The following CCDC192 variants were observed in gnomAD, a reference collection of about 807,000 sequenced individuals.
The protein encoded by CCDC192 is coiled-coil domain-containing protein 192.
At chr5:127,889,587 A>G (rs1752671223) in intron 6 of CCDC192, among the ~76,000 whole-genome samples, 1 of 152,116 alleles carries the variant, frequency 6.6e-6, no homozygotes, top group Non-Finnish European at 1.5e-5. Flanking sequence ...TTTTCAGTAG[A>G]GATGAGGTTT....
At chr5:127,896,496 C>A (rs753204787) in intron 6 of CCDC192, among the ~76,000 whole-genome samples, 1 of 151,514 alleles carries the variant, frequency 6.6e-6, no homozygotes, top group South Asian at 2.1e-4. Flanking sequence ...TGCAACACTG[C>A]GAACTCGGCT....
chr5:127,823,474 A>C (rs879773893), intron 5 of CCDC192, among the ~76,000 whole-genome samples: 12 of 152,172 alleles, frequency 7.9e-5, no homozygotes, highest in African/African-American at 2.9e-4. Flanking sequence ...CACTGATTTT[A>C]CTTATTCAAT....
At chr5:127,864,611 G>T (rs1751520501) in intron 5 of CCDC192, among the ~76,000 whole-genome samples, 1 of 152,174 alleles carries the variant, frequency 6.6e-6, no homozygotes, top group South Asian at 2.1e-4. Flanking sequence ...TTGTTTTAGA[G>T]CAAGGACATT....
At chr5:127,708,860 G>T (rs772690326) in intron 2 of CCDC192, among the ~76,000 whole-genome samples, 38 of 152,066 alleles carry the variant, frequency 2.5e-4, no homozygotes, top group Non-Finnish European at 4.1e-4. Context: ...GGATTCAGAA[G>T]TTCTGGCCTA....
intron 2 of CCDC192, among the ~76,000 whole-genome samples, chr5:127,733,900 C>A (rs1220293922): frequency 6.7e-6 from 1 of 149,798 alleles, no homozygotes. Flanking sequence ...AATTTGTCAG[C>A]CATGCCTTCA....
intron 3 of CCDC192, among the ~76,000 whole-genome samples, chr5:127,788,804 A>C (rs1046298448): frequency 3.9e-5 from 6 of 152,004 alleles, no homozygotes; most frequent in Non-Finnish European, 5.9e-5. Flanking sequence ...CTGTATTGCT[A>C]TGGACTGAAT....
intron 2 of CCDC192, among the ~76,000 whole-genome samples, chr5:127,731,736 T>C (rs1479857623): frequency 6.6e-6 from 1 of 152,110 alleles, no homozygotes; most frequent in African/African-American, 2.4e-5. Context: ...TTGACAAACC[T>C]GACAAAAATA....
At chr5:127,827,463 A>AT (rs1448382669) in intron 5 of CCDC192, among the ~76,000 whole-genome samples, 1 of 152,140 alleles carries the variant, frequency 6.6e-6, no homozygotes, top group Non-Finnish European at 1.5e-5. Context: ...AAATTAGCTT[A>AT]TTTTTATTAT....
At chr5:127,880,670 G>A (rs1314184500) in intron 6 of CCDC192, among the ~76,000 whole-genome samples, 1 of 151,836 alleles carries the variant, frequency 6.6e-6, no homozygotes, top group Non-Finnish European at 1.5e-5. Context: ...TACACCTTCA[G>A]CTGGTGGTCA....
chr5:127,717,928 C>CAAAAAAAAAAAAAAAAAGAAAAAAAA (rs1751729357), intron 2 of CCDC192, among the ~76,000 whole-genome samples: 1 of 98,074 alleles, frequency 1.0e-5, no homozygotes, highest in African/African-American at 3.9e-5. Flanking sequence ...TAAAGCTAGA[C>CAAAAAAAAAAAAAAAAAGAAAAAAAA]AAAAAAAAAA....
chr5:127,823,341 C>A (rs755888368), intron 5 of CCDC192, among the ~76,000 whole-genome samples: 2 of 152,166 alleles, frequency 1.3e-5, no homozygotes, highest in Non-Finnish European at 2.9e-5. Flanking sequence ...GAGAGAATCC[C>A]TCTGCTTTTG....
chr5:127,763,422 A>G (rs1218428067), intron 3 of CCDC192, among the ~76,000 whole-genome samples: 1 of 151,900 alleles, frequency 6.6e-6, no homozygotes, highest in African/African-American at 2.4e-5. Context: ...CTCTATCTCC[A>G]CTATCACCAT....
intron 5 of CCDC192, among the ~76,000 whole-genome samples, chr5:127,871,781 C>T (rs1017617183): frequency 9.9e-5 from 15 of 152,150 alleles, no homozygotes; most frequent in Admixed American, 2.0e-4. Context: ...CAATATGATA[C>T]GAATAGATAT....
intron 3 of CCDC192, among the ~76,000 whole-genome samples, chr5:127,761,252 T>A (rs1754914602): frequency 6.6e-6 from 1 of 152,230 alleles, no homozygotes; most frequent in South Asian, 2.1e-4. Context: ...GAGGATTCAC[T>A]ATATGCCAGG....
chr5:127,836,367 C>T (rs1362657453), intron 5 of CCDC192, among the ~76,000 whole-genome samples: 1 of 152,186 alleles, frequency 6.6e-6, no homozygotes, highest in Non-Finnish European at 1.5e-5. Flanking sequence ...GTGTCTGTAG[C>T]TTTTCCAGGT....
At chr5:127,909,820 G>A (rs979612603) in intron 6 of CCDC192, among the ~76,000 whole-genome samples, 20 of 152,152 alleles carry the variant, frequency 1.3e-4, no homozygotes, top group Non-Finnish European at 1.2e-4. Flanking sequence ...AGTGTTCAAA[G>A]CTTGACAGAA....
At chr5:127,810,943 C>T (rs1758046924) in intron 5 of CCDC192, among the ~76,000 whole-genome samples, 1 of 152,162 alleles carries the variant, frequency 6.6e-6, no homozygotes, top group African/African-American at 2.4e-5. Context: ...CTTTCCTTCC[C>T]TCTGCTCCAT....
intron 2 of CCDC192, among the ~76,000 whole-genome samples, chr5:127,734,195 C>G (rs1306534310): frequency 3.3e-5 from 5 of 150,216 alleles, no homozygotes; most frequent in South Asian, 2.1e-4. Context: ...TTTGTTCTTG[C>G]GATAGTTTAC....
At chr5:127,871,169 C>G (rs905020098) in intron 5 of CCDC192, among the ~76,000 whole-genome samples, 1 of 152,188 alleles carries the variant, frequency 6.6e-6, no homozygotes, top group Non-Finnish European at 1.5e-5. Flanking sequence ...GCCTAGGCAC[C>G]GGGCCAGCTC....
Sources: allele counts gnomAD v4.1 joint callset (sites outside exome capture counted in the v4.1 genomes callset), GRCh38; gene constraint gnomAD v4.1.1; transcripts MANE v1.5; gene names NCBI Gene and HGNC (gene_info 2026-07-23, HGNC 2026-07-21).